The following UBE2K variants were observed in gnomAD, a reference collection of about 807,000 sequenced individuals.
The protein encoded by UBE2K is ubiquitin-conjugating enzyme E2 K.
Under a neutral mutation model 30.0 loss-of-function variants are expected in UBE2K, and 6 were observed. The observed-to-expected ratio is 0.20, with a 90% CI of 0.11 to 0.39. The LOEUF is 0.39. UBE2K is among the 10% of genes least tolerant of loss of function. The probability of loss-of-function intolerance (pLI) is 1.00; values close to 1 mark genes in which losing one functional copy is unlikely to be tolerated. For synonymous variants in UBE2K, 86 were observed against 83.7 expected, an observed-to-expected ratio of 1.03 and a Z score of -0.15; for missense variants, 61 against 241.6, an observed-to-expected ratio of 0.25 and a Z score of 4.96.
At chr4:39,749,335 T>A (rs536364239) in intron 3 of UBE2K, among the ~76,000 whole-genome samples, 76 of 152,256 alleles carry the variant, frequency 5.0e-4, no homozygotes, top group African/African-American at 1.8e-3. Context: ...AAAAAATCAT[T>A]AGTAAAAATA....
At chr4:39,711,163 C>CT (rs34401637) in intron 1 of UBE2K, among the ~76,000 whole-genome samples, 21,622 of 122,068 alleles carry the variant, frequency 0.18, 3,695 homozygotes, top group African/African-American at 0.43. Context: ...AACTTTTTCT[C>CT]TTTTTTTTTT....
At chr4:39,739,567 C>A (rs978767621) in intron 2 of UBE2K, among the ~76,000 whole-genome samples, 3 of 150,948 alleles carry the variant, frequency 2.0e-5, no homozygotes, top group African/African-American at 7.3e-5. Flanking sequence ...CTGCCTCAGC[C>A]TCCCGAGTAG....
At position 39,779,424 on chromosome 4, in the gene UBE2K, T is replaced by G. The variant is rs115213470; in HGVS notation, c.*990T>G. On this transcript the variant is annotated 3_prime_UTR_variant, in exon 7 of 7. Transcript: ENST00000261427. ...GCCTGATTTTGGGGTCTATAGAGAT[T>G]GCTTTATTGGATACTTCAAGTCATT... 1 of 152,732 alleles carries G rather than the reference T, an allele frequency of 6.5e-6. No individual in the cohort carries two copies. Among genetic ancestry groups the G allele is most frequent in the African/African-American group, 2.4e-5 (1 of 41,560 alleles). The allele number at this position is 152,732 out of a possible 1,614,324, so 9.5% of individuals were successfully genotyped here. A position where few individuals can be genotyped will look rare whatever the true frequency, so the allele number is the denominator to read the frequency against.
At chr4:39,749,512 A>T (rs915229377) in intron 3 of UBE2K, among the ~76,000 whole-genome samples, 16 of 123,694 alleles carry the variant, frequency 1.3e-4, no homozygotes, top group Admixed American at 6.7e-4. Context: ...AAAACTAAAC[A>T]AAACAAAACA....
At chr4:39,768,911 G>A (rs1039362032) in intron 4 of UBE2K, among the ~76,000 whole-genome samples, 3 of 152,138 alleles carry the variant, frequency 2.0e-5, no homozygotes, top group Non-Finnish European at 4.4e-5. Flanking sequence ...AGGCTAGAGT[G>A]CAGTGGCATG....
At chr4:39,773,955 T>C (rs1335618217) in intron 4 of UBE2K, among the ~76,000 whole-genome samples, 2 of 151,930 alleles carry the variant, frequency 1.3e-5, no homozygotes, top group Non-Finnish European at 2.9e-5. Flanking sequence ...AAGAAGGATC[T>C]TGGCAACAAG....
chr4:39,720,977 C>A (rs1286274337), intron 1 of UBE2K, among the ~76,000 whole-genome samples: 2 of 151,870 alleles, frequency 1.3e-5, no homozygotes, highest in Admixed American at 6.6e-5. Flanking sequence ...GAACTCCTGG[C>A]CTCAAGTGAT....
chr4:39,740,064 A>G (rs746032573), intron 2 of UBE2K, among the ~76,000 whole-genome samples: 1 of 152,094 alleles, frequency 6.6e-6, no homozygotes, highest in Non-Finnish European at 1.5e-5. Context: ...TTAAATGTAG[A>G]GGAGACCTTT....
chr4:39,769,908 A>G (rs1051668486), intron 4 of UBE2K, among the ~76,000 whole-genome samples: 1 of 151,954 alleles, frequency 6.6e-6, no homozygotes, highest in Non-Finnish European at 1.5e-5. Flanking sequence ...AAGAGCAACA[A>G]CAGTCTTCTC....
At chr4:39,773,007 CAG>C (rs1713012993) in intron 4 of UBE2K, among the ~76,000 whole-genome samples, 1 of 150,796 alleles carries the variant, frequency 6.6e-6, no homozygotes, top group Admixed American at 6.6e-5. Context: ...CTTTTTTTAA[CAG>C]AAATGCCAAG....
At chr4:39,721,047 C>A (rs943928696) in intron 1 of UBE2K, among the ~76,000 whole-genome samples, 1 of 152,134 alleles carries the variant, frequency 6.6e-6, no homozygotes, top group Non-Finnish European at 1.5e-5. Context: ...GCCTGGCCAA[C>A]TTCTGTTTTT....
intron 1 of UBE2K, among the ~76,000 whole-genome samples, chr4:39,727,990 C>T (rs1719849133): frequency 6.6e-6 from 1 of 151,998 alleles, no homozygotes; most frequent in African/African-American, 2.4e-5. Context: ...AGAAATTAGC[C>T]AGGCGTGGTG....
intron 2 of UBE2K, among the ~76,000 whole-genome samples, chr4:39,744,259 G>A (rs1720865548): frequency 6.6e-6 from 1 of 151,970 alleles, no homozygotes; most frequent in East Asian, 1.9e-4. Context: ...TGCAAGCTCC[G>A]CCTCCCAGGT....
rs112465372 is a variant in UBE2K at position 39,703,823 on chromosome 4, C to A, written c.63+5433C>A. 8.2e-3 allele frequency among the ~76,000 whole-genome samples: 1,062 copies of A among 129,494 alleles called. 13 individuals carry two copies. Among genetic ancestry groups the A allele is most frequent in the African/African-American group, 0.03 (1,006 of 34,030 alleles). 85.0% of individuals were successfully genotyped at this position (129,494 alleles called of 152,430 possible). A position where few individuals can be genotyped will look rare whatever the true frequency, so the allele number is the denominator to read the frequency against. On this transcript the variant is annotated intron_variant, in intron 1 of 6. Coordinates refer to ENST00000261427, the MANE Select transcript of UBE2K (RefSeq NM_005339.5). ...ATGGCACCACTGCACTGCAGCCTGG[C>A]GACAGAGCGAGACTCCATCTCAAAA...
intron 4 of UBE2K, among the ~76,000 whole-genome samples, chr4:39,756,294 C>T (rs1185002077): frequency 6.6e-6 from 1 of 152,202 alleles, no homozygotes; most frequent in Admixed American, 6.5e-5. Context: ...CACATCTTGG[C>T]TCTCCAGTTT....
chr4:39,755,332 A>G (rs1340031216), intron 3 of UBE2K, among the ~76,000 whole-genome samples: 1 of 152,198 alleles, frequency 6.6e-6, no homozygotes, highest in African/African-American at 2.4e-5. Flanking sequence ...TTTATGTACT[A>G]TTTTATTTAC....
At chr4:39,770,767 G>T in intron 4 of UBE2K, 1 of 1,583,476 alleles carries the variant, frequency 6.3e-7, no homozygotes, top group Non-Finnish European at 8.6e-7. Flanking sequence ...AGGCCTCCAG[G>T]GGGCTTGAGC....
Position 39,712,368 on chromosome 4 carries a change from ATTTTTT to A in UBE2K, c.63+14000_63+14005del, listed in dbSNP as rs60301036. 9.5e-4 allele frequency among the ~76,000 whole-genome samples: 51 copies of A among 53,622 alleles called. 2 individuals carry two copies. Among genetic ancestry groups the A allele is most frequent in the African/African-American group, 2.9e-3 (36 of 12,340 alleles). 35.2% of individuals were successfully genotyped at this position (53,622 alleles called of 152,430 possible). ...AGGCACCCGCCACTGCGCCCGGCCA[ATTTTTT>A]TTTTTTTTTTTTTTTTTTTTTCAGT... On this transcript the variant is annotated intron_variant, in intron 1 of 6. Coordinates refer to ENST00000261427, the MANE Select transcript of UBE2K (RefSeq NM_005339.5).
At chr4:39,735,422 C>T (rs780765580) in intron 1 of UBE2K, among the ~76,000 whole-genome samples, 2 of 152,176 alleles carry the variant, frequency 1.3e-5, no homozygotes, top group African/African-American at 4.8e-5. Flanking sequence ...GTTCTGTCAC[C>T]CAGGCTGGAG....
Sources: allele counts gnomAD v4.1 joint callset (sites outside exome capture counted in the v4.1 genomes callset), GRCh38; gene constraint gnomAD v4.1.1; transcripts MANE v1.5; gene names NCBI Gene and HGNC (gene_info 2026-07-23, HGNC 2026-07-21).